Variants in ACADM observed in about 807,000 individuals in gnomAD.
The protein encoded by ACADM is acyl-CoA dehydrogenase medium chain, also known as medium-chain specific acyl-CoA dehydrogenase, mitochondrial.
ACADM carries 49 observed loss-of-function variants against 58.9 expected under a neutral mutation model. The observed-to-expected ratio is 0.83, with a 90% CI of 0.66 to 1.06. The LOEUF (loss-of-function observed/expected upper bound fraction) is 1.06. Among genes scored for constraint, ACADM ranks in the 50% least tolerant of loss-of-function variants. The pLI, the probability that ACADM is intolerant of heterozygous loss-of-function variation, is 0.00. For synonymous variants in ACADM, 160 were observed against 157.7 expected, an observed-to-expected ratio of 1.01 and a Z score of -0.11; for missense variants, 496 against 507.0, an observed-to-expected ratio of 0.98 and a Z score of 0.21.
chr1:75,738,850 C>T (rs1002557710), intron 6 of ACADM, among the ~76,000 whole-genome samples: 1 of 152,236 alleles, frequency 6.6e-6, no homozygotes, highest in African/African-American at 2.4e-5. Context: ...CTAACACTTG[C>T]CTTCTACCAC....
At chr1:75,747,630 T>A (rs1647971142) in intron 8 of ACADM, among the ~76,000 whole-genome samples, 1 of 152,074 alleles carries the variant, frequency 6.6e-6, no homozygotes, top group African/African-American at 2.4e-5. Flanking sequence ...TACAAAAAAA[T>A]TTGAAAATTA....
chr1:75,756,909 G>A (rs1648538986), intron 10 of ACADM, among the ~76,000 whole-genome samples: 2 of 152,090 alleles, frequency 1.3e-5, no homozygotes. Flanking sequence ...AATACCACAT[G>A]TCTACAACCA....
At chr1:75,729,270 TTTTCTTTTTCTTTC>T (rs1647105088) in intron 2 of ACADM, among the ~76,000 whole-genome samples, 1 of 146,850 alleles carries the variant, frequency 6.8e-6, no homozygotes, top group South Asian at 2.1e-4. Flanking sequence ...GAAATTTTTC[TTTTCTTTTTCTTTC>T]TTTCTTTTTT....
intron 9 of ACADM, 146 bp downstream of exon 9, chr1:75,749,705 T>C: frequency 2.6e-6 from 2 of 764,930 alleles, no homozygotes; most frequent in Admixed American, 3.4e-5. Context: ...TACTGTTACT[T>C]TTCTTTCTTT....
At chr1:75,738,369 C>T (rs908505986) in intron 6 of ACADM, among the ~76,000 whole-genome samples, 55 of 151,870 alleles carry the variant, frequency 3.6e-4, no homozygotes, top group African/African-American at 9.0e-4. Flanking sequence ...TACAGGCGCC[C>T]GCCACCAAGC....
At chr1:75,732,995 T>C in intron 4 of ACADM, 73 bp downstream of exon 4, 1 of 1,613,386 alleles carries the variant, frequency 6.2e-7, no homozygotes, top group South Asian at 1.1e-5. Flanking sequence ...ACTCAGTCAT[T>C]TTTTTCAAAT....
chr1:75,757,124 G>A (rs1454413512), intron 10 of ACADM, among the ~76,000 whole-genome samples: 5 of 152,076 alleles, frequency 3.3e-5, no homozygotes, highest in Admixed American at 1.3e-4. Context: ...AACCTAGGCA[G>A]TACCATTCAG....
rs1570866192 is a variant in ACADM, at chr1:75,734,798, CTAT to C, written c.403_405del (p.Ile135del). 1 of 1,612,408 alleles carries C rather than the reference CTAT, an allele frequency of 6.2e-7. No individual in the cohort carries two copies. The highest frequency in any genetic ancestry group is 1.1e-5 in the South Asian group (1 of 90,990). On this transcript the variant is annotated inframe_deletion, in exon 6 of 12. Coordinates refer to ENST00000370841, the MANE Select transcript of ACADM (RefSeq NM_000016.6). ...GTCAATTTTCTTCGGTAGCAAATGC[CTAT>C]TATTATTGCTGGAAATGATCAACAA...
At chr1:75,743,360 G>A (rs1472381883) in intron 7 of ACADM, 5 of 1,568,856 alleles carry the variant, frequency 3.2e-6, no homozygotes, top group Non-Finnish European at 4.3e-6. Context: ...TGAGGGGACA[G>A]GGAGAAGACT....
In ACADM at chr1:75,761,269, G is replaced by A; in HGVS notation, c.1093G>A (p.Ala365Thr). 6.2e-7 allele frequency: 1 copy of A among 1,614,122 alleles called. No homozygotes were observed. The highest frequency in any genetic ancestry group is 1.1e-5 in the South Asian group (1 of 91,080). ...SIAKAFAGDI[A>T]NQLATDAVQI... ...TGCAAAGGCATTTGCTGGAGATATTGCAAATCAGTTAGCTACTGATGCTGT... is the reference window on the plus strand; with the variant it reads ...TGCAAAGGCATTTGCTGGAGATATTACAAATCAGTTAGCTACTGATGCTGT... The change falls in exon 11 of 12, where the codon GCA (alanine) becomes ACA (threonine). Residue 365 changes from alanine (A) to threonine (T), a missense_variant. Coordinates refer to ENST00000370841, the MANE Select transcript of ACADM (RefSeq NM_000016.6).
rs757205443 is a variant in ACADM, at chr1:75,762,774, G to A, written c.*11G>A. ...AAGTACAAAAATTAAAAAAATTACT[G>A]TAGAAATATTGAATAACTAGAACAC... On this transcript the variant is annotated 3_prime_UTR_variant, in exon 12 of 12. Coordinates refer to ENST00000370841, the MANE Select transcript of ACADM (RefSeq NM_000016.6). The A allele has an allele frequency of 6.6e-7, 1 of 1,520,198 alleles. No individual in the cohort carries two copies. Among genetic ancestry groups the A allele is most frequent in the Admixed American group, 1.7e-5 (1 of 59,574 alleles). 94.2% of individuals were successfully genotyped at this position (1,520,198 alleles called of 1,614,324 possible).
chr1:75,748,635 A>C (rs898787190), intron 8 of ACADM, among the ~76,000 whole-genome samples: 3 of 152,210 alleles, frequency 2.0e-5, no homozygotes, highest in African/African-American at 4.8e-5. Context: ...AGCGGACTTT[A>C]TTATTTCACT....
intron 10 of ACADM, among the ~76,000 whole-genome samples, chr1:75,753,097 CT>C (rs1648294352): frequency 6.6e-6 from 1 of 152,120 alleles, no homozygotes; most frequent in Non-Finnish European, 1.5e-5. Context: ...AACAAAAGTC[CT>C]TTTTTTTCTT....
intron 6 of ACADM, among the ~76,000 whole-genome samples, chr1:75,738,456 A>T (rs1265423423): frequency 6.6e-6 from 1 of 151,924 alleles, no homozygotes; most frequent in South Asian, 2.1e-4. Context: ...TCCTAACCTC[A>T]GGTGACCCAC....
intron 10 of ACADM, among the ~76,000 whole-genome samples, chr1:75,758,218 A>G (rs1648618784): frequency 6.6e-6 from 1 of 151,934 alleles, no homozygotes; most frequent in Admixed American, 6.6e-5. Flanking sequence ...ACCTGCCACC[A>G]TGCCTGGCCT....
chr1:75,729,764 G>T (rs552179215), intron 2 of ACADM, among the ~76,000 whole-genome samples: 1 of 151,874 alleles, frequency 6.6e-6, no homozygotes, highest in Non-Finnish European at 1.5e-5. Context: ...AAAGTGCTGG[G>T]ATTACAGGCA....
At chr1:75,725,469 C>T (rs1647038147) in intron 1 of ACADM, among the ~76,000 whole-genome samples, 1 of 152,180 alleles carries the variant, frequency 6.6e-6, no homozygotes, top group African/African-American at 2.4e-5. Context: ...TAAAGAATTG[C>T]TGCCCATGTT....
At chr1:75,746,804 G>T (rs1647929802) in intron 8 of ACADM, among the ~76,000 whole-genome samples, 4 of 152,030 alleles carry the variant, frequency 2.6e-5, no homozygotes, top group African/African-American at 4.8e-5. Flanking sequence ...GTGCTGTGTT[G>T]CCCAGGCTGG....
At chr1:75,750,591 T>C in intron 10 of ACADM, 45 bp downstream of exon 10, 3 of 1,236,606 alleles carry the variant, frequency 2.4e-6, no homozygotes, top group Middle Eastern at 2.6e-4. Flanking sequence ...AAGACACTCA[T>C]TTTCATTTAA....
Sources: gnomAD v4.1 joint callset for allele counts (sites outside exome capture counted in the v4.1 genomes callset) on GRCh38, gnomAD v4.1.1 for gene constraint, MANE v1.5 for transcripts, NCBI Gene and HGNC (gene_info 2026-07-23, HGNC 2026-07-21) for gene names.